Variants in EPRS1 observed in about 807,000 individuals in gnomAD.
The protein encoded by EPRS1 is bifunctional glutamate/proline--tRNA ligase.
In EPRS1, 107 loss-of-function variants were observed where a neutral mutation model predicts 188.3. The observed-to-expected ratio is 0.57, with a 90% CI of 0.49 to 0.67. The LOEUF is 0.67. Among genes scored for constraint, EPRS1 ranks in the 30% least tolerant of loss-of-function variants. The probability of loss-of-function intolerance (pLI) is 0.00; values close to 1 mark genes in which losing one functional copy is unlikely to be tolerated. For missense variants in EPRS1, 1,577 were observed against 1,802.2 expected, an observed-to-expected ratio of 0.88 and a Z score of 2.26; for synonymous variants, 596 against 593.1, an observed-to-expected ratio of 1.00 and a Z score of -0.07.
chr1:220,040,565 T>C (rs1374208585), intron 1 of EPRS1, among the ~76,000 whole-genome samples: 1 of 152,170 alleles, frequency 6.6e-6, no homozygotes, highest in Non-Finnish European at 1.5e-5. Flanking sequence ...ATTAGTATAG[T>C]GCCAGCCAGG....
At position 219,982,852 on chromosome 1, in the gene EPRS1, GA is replaced by G; in HGVS notation, c.3301-9del. ...TCTTGTAACCCAAGCAACCTAGTAA[GA>G]AAAAATCATTTTTCATACTTTTTTT... is the stretch of plus-strand genomic sequence containing the variant. On this transcript the variant is annotated splice_polypyrimidine_tract_variant and intron_variant, in intron 22 of 31. Coordinates refer to ENST00000366923, the MANE Select transcript of EPRS1 (RefSeq NM_004446.3). 1 of 1,612,892 alleles carries G rather than the reference GA, an allele frequency of 6.2e-7. No homozygotes were observed. The highest frequency in any genetic ancestry group is 8.5e-7 in the Non-Finnish European group (1 of 1,179,188).
intron 18 of EPRS1, among the ~76,000 whole-genome samples, chr1:219,992,949 G>C (rs577233876): frequency 6.6e-6 from 1 of 150,978 alleles, no homozygotes; most frequent in Non-Finnish European, 1.5e-5. Context: ...AAGAACAGGC[G>C]TACGGCCAGG....
chr1:220,005,136 G>A, intron 16 of EPRS1, 112 bp downstream of exon 16: 1 of 428,616 alleles, frequency 2.3e-6, no homozygotes, highest in East Asian at 3.6e-5. Context: ...CTGAGAGACT[G>A]AGAAAGAAAA....
At chr1:220,043,650 C>A (rs1662340258) in intron 1 of EPRS1, among the ~76,000 whole-genome samples, 2 of 152,120 alleles carry the variant, frequency 1.3e-5, no homozygotes, top group East Asian at 3.8e-4. Flanking sequence ...AACTGATGGG[C>A]TGCAATGAAG....
intron 18 of EPRS1, among the ~76,000 whole-genome samples, chr1:219,993,809 T>C (rs1311259003): frequency 6.6e-6 from 1 of 152,260 alleles, no homozygotes; most frequent in African/African-American, 2.4e-5. Flanking sequence ...TATTTTAATC[T>C]AGGCTTTGCA....
chr1:219,971,730 C>T (rs1185574948), intron 30 of EPRS1, among the ~76,000 whole-genome samples: 2 of 140,878 alleles, frequency 1.4e-5, no homozygotes, highest in South Asian at 2.3e-4. Context: ...CAAGTATTAC[C>T]CCCAAAATGG....
Position 220,024,312 on chromosome 1 carries a change from T to A in EPRS1, c.895A>T (p.Met299Leu), listed in dbSNP as rs753943214. 1 of 1,611,888 alleles carries A rather than the reference T, an allele frequency of 6.2e-7. No individual in the cohort carries two copies. Among genetic ancestry groups the A allele is most frequent in the Non-Finnish European group, 8.5e-7 (1 of 1,179,286 alleles). ...AYVDDTPAEQ[M>L]KAEREQRIDS... ...ATCCTCTGCTCACGTTCTGCTTTCA[T>A]CTGTTCAGCAGGAGTATCATCCACA... is the stretch of plus-strand genomic sequence containing the variant. Residue 299 changes from methionine to leucine, a missense_variant, in exon 8 of 32, where the codon ATG becomes TTG. Met to Leu is a conservative substitution (Grantham distance 15). This residue lies in a region of EPRS1 where 1,278 missense variants were observed against 1,457.4 expected (regional missense o/e 0.88). Coordinates refer to ENST00000366923, the MANE Select transcript of EPRS1 (RefSeq NM_004446.3).
Position 220,022,425 on chromosome 1 carries a change from C to G in EPRS1, c.1037G>C (p.Ser346Thr). 1 of 1,614,084 alleles carries G rather than the reference C, an allele frequency of 6.2e-7. No individual in the cohort carries two copies. The highest frequency in any genetic ancestry group is 1.1e-5 in the South Asian group (1 of 91,078). ...TGGATCTCTCATGCATCCATTGTTA[C>G]TACTCATGTCAATTTTTGCTCGCAA... ...CCLRAKIDMS[S>T]NNGCMRDPTL... Residue 346 changes from serine (S) to threonine (T), a missense_variant, in exon 9 of 32, where the codon AGT (serine) becomes ACT (threonine). By Grantham distance (58) the Ser-to-Thr change is moderately conservative. This residue lies in a region of EPRS1 where 1,278 missense variants were observed against 1,457.4 expected (regional missense o/e 0.88). Coordinates refer to ENST00000366923, the MANE Select transcript of EPRS1 (RefSeq NM_004446.3).
chr1:219,994,073 C>T (rs1367555750), intron 18 of EPRS1, among the ~76,000 whole-genome samples: 1 of 152,140 alleles, frequency 6.6e-6, no homozygotes, highest in Non-Finnish European at 1.5e-5. Flanking sequence ...CCTTGAATAA[C>T]ATTGTTTTGT....
chr1:219,969,217 A>G, intron 30 of EPRS1, 95 bp from the exon 31 acceptor site: 1 of 888,132 alleles, frequency 1.1e-6, no homozygotes, highest in Admixed American at 2.1e-5. Context: ...CTGGCAAGCA[A>G]AAAGGATAGG....
intron 17 of EPRS1, among the ~76,000 whole-genome samples, chr1:220,000,114 C>G (rs556838694): frequency 5.8e-4 from 88 of 152,302 alleles, no homozygotes; most frequent in African/African-American, 2.1e-3. Flanking sequence ...GAAAAATCGG[C>G]TGTTATTTTC....
At chr1:219,991,395 C>T (rs1018108814) in intron 18 of EPRS1, among the ~76,000 whole-genome samples, 2 of 151,946 alleles carry the variant, frequency 1.3e-5, no homozygotes, top group African/African-American at 2.4e-5. Flanking sequence ...TCCTTACTAG[C>T]ATATCTAAGA....
At chr1:219,972,172 T>C (rs2102558338) in intron 29 of EPRS1, 25 bp from the exon 30 acceptor site, 1 of 1,399,474 alleles carries the variant, frequency 7.1e-7, no homozygotes, top group African/African-American at 1.5e-5. Flanking sequence ...TAGAAAACAA[T>C]ACATAATTGT....
chr1:219,988,898 T>C (rs1050527155), intron 18 of EPRS1, 75 bp from the exon 19 acceptor site: 25 of 873,182 alleles, frequency 2.9e-5, no homozygotes, highest in Non-Finnish European at 3.9e-5. Context: ...TTTAAAAATC[T>C]TTAATTATCA....
chr1:220,019,668 G>A (rs1031730098), intron 10 of EPRS1, among the ~76,000 whole-genome samples: 1 of 152,152 alleles, frequency 6.6e-6, no homozygotes, highest in Admixed American at 6.5e-5. Context: ...CCTCAGCAGA[G>A]AGTAGAGATC....
chr1:220,029,250 T>C (rs2577144), intron 6 of EPRS1, among the ~76,000 whole-genome samples: 121,887 of 151,966 alleles, frequency 0.8, 49,052 homozygotes, highest in East Asian at 0.93. Flanking sequence ...AAGGTAAGTA[T>C]TATTTATGCC....
At chr1:220,006,351 C>T (rs777293373) in intron 14 of EPRS1, 38 bp from the exon 15 acceptor site, 1 of 788,462 alleles carries the variant, frequency 1.3e-6, no homozygotes, top group East Asian at 2.9e-5. Context: ...GAAATATTAA[C>T]CACAGCTGCC....
chr1:219,974,676 T>A (rs989074904), intron 28 of EPRS1, among the ~76,000 whole-genome samples: 1 of 151,262 alleles, frequency 6.6e-6, no homozygotes, highest in Admixed American at 6.6e-5. Context: ...AAATGATATT[T>A]AAAAAAAAAC....
In EPRS1 at chr1:220,040,251, T is replaced by C. The variant is rs1488146188; in HGVS notation, c.65A>G (p.Glu22Gly). Residue 22 changes from glutamate (E) to glycine (G), a missense_variant, in exon 2 of 32, where the codon GAA becomes GGA. By Grantham distance (98) the Glu-to-Gly change is moderately conservative (BLOSUM62 -2). Transcript: ENST00000366923. ...DPPLGALLAV[E>G]HVKDDVSISV... ...AATGCTGACATCGTCTTTCACGTGT[T>C]CTACTGCCAGCAAAGCTCCTATAAA... The C allele has an allele frequency of 6.2e-7, 1 of 1,606,216 alleles. No homozygotes were observed. Among genetic ancestry groups the C allele is most frequent in the Non-Finnish European group, 8.5e-7 (1 of 1,173,694 alleles).
Sources: allele counts gnomAD v4.1 joint callset (sites outside exome capture counted in the v4.1 genomes callset), GRCh38; gene constraint gnomAD v4.1.1; regional missense constraint gnomAD v4.1.1; transcripts MANE v1.5; gene names NCBI Gene and HGNC (gene_info 2026-07-23, HGNC 2026-07-21).